Variants in SGCZ observed in about 807,000 individuals in gnomAD.
The protein encoded by SGCZ is sarcoglycan zeta, also known as zeta-sarcoglycan.
Under a neutral mutation model 41.3 loss-of-function variants are expected in SGCZ, and 40 were observed. That is an observed-to-expected ratio of 0.97 (90% CI 0.75 to 1.26). The LOEUF is 1.26. Ranked by LOEUF, SGCZ falls within the 50% of genes most tolerant of loss-of-function variation. The probability of loss-of-function intolerance (pLI) is 0.00; values close to 1 mark genes in which losing one functional copy is unlikely to be tolerated. For synonymous variants in SGCZ, 206 were observed against 137.5 expected, an observed-to-expected ratio of 1.50 and a Z score of -3.49; for missense variants, 552 against 369.8, an observed-to-expected ratio of 1.49 and a Z score of -4.04.
At chr8:14,398,681 T>G (rs993691904) in intron 2 of SGCZ, among the ~76,000 whole-genome samples, 1 of 152,020 alleles carries the variant, frequency 6.6e-6, no homozygotes, top group African/African-American at 2.4e-5. Flanking sequence ...TTACAAAGGG[T>G]GCTTGTCAGA....
At chr8:14,334,452 C>G (rs1279262076) in intron 2 of SGCZ, among the ~76,000 whole-genome samples, 2 of 152,022 alleles carry the variant, frequency 1.3e-5, no homozygotes, top group African/African-American at 4.8e-5. Context: ...AAGTCCAGTC[C>G]TCTCACTCTT....
intron 2 of SGCZ, among the ~76,000 whole-genome samples, chr8:14,458,752 C>T (rs1198762099): frequency 6.6e-6 from 1 of 152,056 alleles, no homozygotes; most frequent in Non-Finnish European, 1.5e-5. Context: ...GCTCTGTCTG[C>T]TAAAAGGGCC....
intron 2 of SGCZ, among the ~76,000 whole-genome samples, chr8:14,379,825 G>T (rs1316919980): frequency 6.6e-6 from 1 of 151,960 alleles, no homozygotes; most frequent in East Asian, 1.9e-4. Flanking sequence ...TCCACCTCCC[G>T]GGTTCAAGTG....
chr8:14,860,998 C>G (rs1803728528), intron 1 of SGCZ, among the ~76,000 whole-genome samples: 1 of 152,184 alleles, frequency 6.6e-6, no homozygotes, highest in African/African-American at 2.4e-5. Flanking sequence ...CTGTTTCTTG[C>G]CTTCGCGTTT....
At chr8:14,366,769 C>G (rs1803722104) in intron 2 of SGCZ, among the ~76,000 whole-genome samples, 1 of 152,112 alleles carries the variant, frequency 6.6e-6, no homozygotes, top group Non-Finnish European at 1.5e-5. Context: ...AGGCAAGTCC[C>G]TTCTACTTAT....
intron 3 of SGCZ, among the ~76,000 whole-genome samples, chr8:14,267,903 G>A (rs1222952067): frequency 6.6e-6 from 1 of 151,738 alleles, no homozygotes; most frequent in South Asian, 2.1e-4. Context: ...TTACATTTAG[G>A]TTCTTTCTGC....
At chr8:15,101,878 T>C (rs897310226) in intron 1 of SGCZ, among the ~76,000 whole-genome samples, 1 of 152,128 alleles carries the variant, frequency 6.6e-6, no homozygotes, top group African/African-American at 2.4e-5. Flanking sequence ...TGAGCCGAGA[T>C]TGTGACACTG....
chr8:14,765,733 A>G (rs1800016253), intron 1 of SGCZ, among the ~76,000 whole-genome samples: 1 of 152,240 alleles, frequency 6.6e-6, no homozygotes, highest in South Asian at 2.1e-4. Context: ...AACAGAAATG[A>G]CAAGTATGGG....
chr8:14,347,314 C>T (rs1394854993), intron 2 of SGCZ, among the ~76,000 whole-genome samples: 2 of 152,014 alleles, frequency 1.3e-5, no homozygotes, highest in South Asian at 2.1e-4. Context: ...ACTGAGGATT[C>T]CTACAATAAT....
intron 1 of SGCZ, among the ~76,000 whole-genome samples, chr8:15,136,308 T>C (rs1808103011): frequency 6.6e-6 from 1 of 152,110 alleles, no homozygotes; most frequent in Non-Finnish European, 1.5e-5. Flanking sequence ...GGATGGTTCA[T>C]GCTTTAAGCC....
chr8:14,254,168 C>G (rs10112775), intron 3 of SGCZ, among the ~76,000 whole-genome samples: 101,528 of 151,952 alleles, frequency 0.67, 34,299 homozygotes, highest in South Asian at 0.79. Flanking sequence ...TTATAATCAG[C>G]TTGTTCCTAG....
intron 1 of SGCZ, among the ~76,000 whole-genome samples, chr8:14,957,946 G>A (rs149757520): frequency 7.9e-5 from 12 of 152,020 alleles, no homozygotes; most frequent in African/African-American, 2.9e-4. Flanking sequence ...GCAACACTAA[G>A]AGTGTGAAAT....
At chr8:14,194,966 G>A (rs1166877022) in intron 4 of SGCZ, among the ~76,000 whole-genome samples, 1 of 152,064 alleles carries the variant, frequency 6.6e-6, no homozygotes, top group Non-Finnish European at 1.5e-5. Flanking sequence ...GGGTTAATCT[G>A]TTCAACTAAC....
At chr8:15,109,145 G>C (rs1806947578) in intron 1 of SGCZ, among the ~76,000 whole-genome samples, 1 of 152,028 alleles carries the variant, frequency 6.6e-6, no homozygotes, top group African/African-American at 2.4e-5. Flanking sequence ...CAAATATTTG[G>C]TAAAATCTTG....
At chr8:14,560,760 T>A (rs1371402936) in intron 1 of SGCZ, among the ~76,000 whole-genome samples, 1 of 152,160 alleles carries the variant, frequency 6.6e-6, no homozygotes, top group Non-Finnish European at 1.5e-5. Flanking sequence ...ATTGAAATTT[T>A]TTTTGGTAAA....
At chr8:14,301,410 T>G (rs773046666) in intron 3 of SGCZ, among the ~76,000 whole-genome samples, 6 of 152,066 alleles carry the variant, frequency 3.9e-5, no homozygotes, top group Non-Finnish European at 5.9e-5. Flanking sequence ...CCTAACATCT[T>G]TACTGGAGTT....
intron 1 of SGCZ, among the ~76,000 whole-genome samples, chr8:14,809,383 A>C (rs1381957929): frequency 2.0e-5 from 3 of 152,174 alleles, no homozygotes; most frequent in African/African-American, 7.2e-5. Context: ...ATGATTGTTT[A>C]AACAATGATG....
chr8:14,274,673 T>C (rs1800170337), intron 3 of SGCZ, among the ~76,000 whole-genome samples: 1 of 152,160 alleles, frequency 6.6e-6, no homozygotes, highest in Admixed American at 6.6e-5. Flanking sequence ...AACATTTATT[T>C]AGACAACCTC....
At chr8:14,576,526 G>C (rs1312812108) in intron 1 of SGCZ, among the ~76,000 whole-genome samples, 2 of 152,130 alleles carry the variant, frequency 1.3e-5, no homozygotes, top group African/African-American at 4.8e-5. Flanking sequence ...ACAAAAGAAT[G>C]GAAAATTGAA....
Sources: gnomAD v4.1 joint callset for allele counts (sites outside exome capture counted in the v4.1 genomes callset) on GRCh38, gnomAD v4.1.1 for gene constraint, MANE v1.5 for transcripts, NCBI Gene and HGNC (gene_info 2026-07-23, HGNC 2026-07-21) for gene names.